The following HSPH1 variants were observed in gnomAD, a reference collection of about 807,000 sequenced individuals.
HSPH1 encodes heat shock protein family H (Hsp110) member 1.
HSPH1 carries 40 observed loss-of-function variants against 100.0 expected under a neutral mutation model. That is an observed-to-expected ratio of 0.40 (90% CI 0.31 to 0.52). The LOEUF is 0.52. Ranked by LOEUF, HSPH1 falls within the 20% of genes least tolerant of loss-of-function variation. HSPH1 has a pLI of 0.54. For synonymous variants in HSPH1, 403 were observed against 344.0 expected, an observed-to-expected ratio of 1.17 and a Z score of -1.90; for missense variants, 876 against 1,015.1, an observed-to-expected ratio of 0.86 and a Z score of 1.86.
At chr13:31,155,881 C>T (rs757515399) in intron 2 of HSPH1, among the ~76,000 whole-genome samples, 7 of 152,176 alleles carry the variant, frequency 4.6e-5, no homozygotes, top group Admixed American at 2.6e-4. Flanking sequence ...CAAGAGGGAA[C>T]AAGAGGCAAA....
At chr13:31,142,418 T>C (rs1365311816) in intron 12 of HSPH1, among the ~76,000 whole-genome samples, 1 of 152,090 alleles carries the variant, frequency 6.6e-6, no homozygotes, top group Non-Finnish European at 1.5e-5. Context: ...CCACATCATT[T>C]TCCTGCTAGT....
At position 31,154,713 on chromosome 13, in the gene HSPH1, T is replaced by C. The variant is rs138397694; in HGVS notation, c.349A>G (p.Ile117Val). The change falls in exon 4 of 18, where the codon ATA becomes GTA. Residue 117 changes from isoleucine (I) to valine (V), a missense_variant. By Grantham distance (29) the Ile-to-Val change is conservative. Transcript: ENST00000320027. ...GEEHLFSVEQITAMLLTKLKE... is the reference protein window; with the variant it reads ...GEEHLFSVEQVTAMLLTKLKE... ...AGCTTAGTCAACAACATGGCTGTTA[T>C]CTGCTCCACACTAAATAGATGTTCT... 7.3e-4 allele frequency: 1,174 copies of C among 1,613,668 alleles called. 1 individual carries two copies. The highest frequency in any genetic ancestry group is 8.9e-4 in the Non-Finnish European group (1,046 of 1,179,688).
Position 31,135,212 on chromosome 13 carries a change from A to T in HSPH1, c.*2106T>A, listed in dbSNP as rs539628688. 1 of 152,292 alleles carries T rather than the reference A, an allele frequency of 6.6e-6. No individual in the cohort carries two copies. Among genetic ancestry groups the T allele is most frequent in the South Asian group, 2.1e-4 (1 of 4,832 alleles). The allele number at this position is 152,292 out of a possible 1,614,324, so 9.4% of individuals were successfully genotyped here. ...AAAGCGCAGTACACTGATTTAGGCC[A>T]GACTGACTGATGCTCCCTCCCGTCA... On this transcript the variant is annotated 3_prime_UTR_variant, in exon 18 of 18. Coordinates refer to ENST00000320027, the MANE Select transcript of HSPH1 (RefSeq NM_006644.4).
At chr13:31,153,139 C>G (rs1220666167) in intron 4 of HSPH1, among the ~76,000 whole-genome samples, 188 bp from the exon 5 acceptor site, 1 of 152,174 alleles carries the variant, frequency 6.6e-6, no homozygotes, top group Non-Finnish European at 1.5e-5. Context: ...TTTGAAAAGG[C>G]TGTCCCAAAA....
Position 31,155,664 on chromosome 13 carries a change from G to A in HSPH1, c.166-10C>T. 6.4e-7 allele frequency: 1 copy of A among 1,569,092 alleles called. No homozygotes were observed. Among genetic ancestry groups the A allele is most frequent in the Non-Finnish European group, 8.6e-7 (1 of 1,160,554 alleles). On this transcript the variant is annotated splice_polypyrimidine_tract_variant and intron_variant, in intron 2 of 17. Coordinates refer to ENST00000320027, the MANE Select transcript of HSPH1 (RefSeq NM_006644.4). ...TTGCATGAGTGATTTGCTGCAAAAAGAAGTTTGAGATTTTAATTTTTTTCT... is the reference window on the plus strand; with the variant it reads ...TTGCATGAGTGATTTGCTGCAAAAAAAAGTTTGAGATTTTAATTTTTTTCT...
intron 10 of HSPH1, among the ~76,000 whole-genome samples, chr13:31,147,494 C>CA (rs1389732056): frequency 4.0e-5 from 6 of 151,468 alleles, no homozygotes; most frequent in African/African-American, 1.5e-4. Context: ...AAATATGTAC[C>CA]AAAAAAAACT....
At chr13:31,158,783 C>A (rs1310906484) in intron 2 of HSPH1, 23 bp downstream of exon 2, 1 of 1,541,996 alleles carries the variant, frequency 6.5e-7, no homozygotes, top group East Asian at 2.2e-5. Flanking sequence ...AAAAAGTGAT[C>A]CGAATTCTCT....
rs568951989 is a variant in HSPH1, at chr13:31,151,497, T to C, written c.663+112A>G. The stretch of plus-strand genomic sequence containing the variant: ...ACCGTTTCCTGTTAACATCTTTACC[T>C]AAAATAAAACTCTTCATTACCAAGA... On this transcript the variant is annotated intron_variant, in intron 6 of 17. Coordinates refer to ENST00000320027, the MANE Select transcript of HSPH1 (RefSeq NM_006644.4). 11 of 1,018,670 alleles carry C rather than the reference T, an allele frequency of 1.1e-5. No homozygotes were observed. The East Asian group carries it at 2.6e-4, about 24-fold the overall frequency. 63.1% of individuals were successfully genotyped at this position (1,018,670 alleles called of 1,614,324 possible).
At chr13:31,146,968 A>G (rs1956284865) in intron 10 of HSPH1, among the ~76,000 whole-genome samples, 1 of 152,238 alleles carries the variant, frequency 6.6e-6, no homozygotes, top group Non-Finnish European at 1.5e-5. Context: ...TGAAAGATGA[A>G]GGAATACACC....
Position 31,161,591 on chromosome 13 carries a change from C to T in HSPH1, c.-9G>A, listed in dbSNP as rs775763163. 2 of 1,611,960 alleles carry T rather than the reference C, an allele frequency of 1.2e-6. No individual in the cohort carries two copies. The highest frequency in any genetic ancestry group is 1.7e-6 in the Non-Finnish European group (2 of 1,179,508). ...AACCCCACCACCGACATGGCCGGCT[C>T]GCGGTCCGCCTCCGCCTCGGGTCTC... On this transcript the variant is annotated 5_prime_UTR_variant, in exon 1 of 18. Transcript: ENST00000320027.
intron 14 of HSPH1, among the ~76,000 whole-genome samples, chr13:31,139,452 A>G (rs1348791339): frequency 2.6e-5 from 4 of 152,048 alleles, no homozygotes; most frequent in Non-Finnish European, 1.5e-5. Context: ...TGAAAAAATC[A>G]TTCCTAACCG....
intron 3 of HSPH1, among the ~76,000 whole-genome samples, chr13:31,155,219 T>C (rs1055421904): frequency 1.3e-5 from 2 of 152,232 alleles, no homozygotes; most frequent in African/African-American, 4.8e-5. Context: ...GAACAGACTT[T>C]TGTTTGATAC....
chr13:31,154,850 A>T, intron 3 of HSPH1, 95 bp from the exon 4 acceptor site: 1 of 1,035,524 alleles, frequency 9.7e-7, no homozygotes, highest in Non-Finnish European at 1.4e-6. Flanking sequence ...TCCCTTCCAC[A>T]AAATCTTTAT....
chr13:31,161,864 C>T lies in HSPH1; in HGVS notation c.-282G>A. 1 of 1,483,810 alleles carries T rather than the reference C, an allele frequency of 6.7e-7. No homozygotes were observed. Among genetic ancestry groups the T allele is most frequent in the East Asian group, 2.5e-5 (1 of 40,312 alleles). 91.9% of individuals were successfully genotyped at this position (1,483,810 alleles called of 1,614,324 possible). ...ACCTCGGGTTGCCTGCCTCACTCTG[C>T]CGCGGCTCGCACACCGGCGCCGGCG... On this transcript the variant is annotated 5_prime_UTR_variant, in exon 1 of 18. Coordinates refer to ENST00000320027, the MANE Select transcript of HSPH1 (RefSeq NM_006644.4).
intron 1 of HSPH1, 51 bp downstream of exon 1, chr13:31,161,425 C>T (rs756697885): frequency 5.0e-6 from 8 of 1,602,262 alleles, no homozygotes; most frequent in Middle Eastern, 1.7e-4. Context: ...TGGGTCCCCA[C>T]ACTAAGGGCC....
intron 5 of HSPH1, chr13:31,152,027 T>C (rs1428677639): frequency 3.6e-6 from 1 of 276,996 alleles, no homozygotes; most frequent in East Asian, 7.7e-5. Context: ...TCACAGACAG[T>C]ATCAGACTCA....
At chr13:31,154,786 T>C (rs775431951) in intron 3 of HSPH1, 31 bp from the exon 4 acceptor site, 1 of 1,593,846 alleles carries the variant, frequency 6.3e-7, no homozygotes, top group Non-Finnish European at 8.6e-7. Context: ...GTTTTAAACA[T>C]TGTAGTACTT....
rs1030754028 is a variant in HSPH1 at position 31,151,851 on chromosome 13, A to G, written c.530-109T>C. 1.3e-5 allele frequency: 11 copies of G among 856,116 alleles called. No homozygotes were observed. In the African/African-American group the frequency reaches 1.7e-4, roughly 13 times the overall value. 53.0% of individuals were successfully genotyped at this position (856,116 alleles called of 1,614,324 possible). ...GCTTGACTATTAACTTGAAACAATTAAAGGTGAACACATTACATTCCTTTT... is the reference window on the plus strand; with the variant it reads ...GCTTGACTATTAACTTGAAACAATTGAAGGTGAACACATTACATTCCTTTT... On this transcript the variant is annotated intron_variant, in intron 5 of 17. Coordinates refer to ENST00000320027, the MANE Select transcript of HSPH1 (RefSeq NM_006644.4).
At position 31,161,573 on chromosome 13, in the gene HSPH1, C is replaced by A. The variant is rs752516425; in HGVS notation, c.10G>T (p.Val4Leu). ...CTCTGCGAGCCCACGTCCAACCCCA[C>A]CACCGACATGGCCGGCTCGCGGTCC... MSV[V>L]GLDVGSQSCY... The change falls in exon 1 of 18, where the codon GTG becomes TTG. Residue 4 changes from valine (V) to leucine (L), a missense_variant. Val to Leu is a conservative substitution (Grantham distance 32). Coordinates refer to ENST00000320027, the MANE Select transcript of HSPH1 (RefSeq NM_006644.4). 2 of 1,613,390 alleles carry A rather than the reference C, an allele frequency of 1.2e-6. No homozygotes were observed. Among genetic ancestry groups the A allele is most frequent in the Non-Finnish European group, 8.5e-7 (1 of 1,179,742 alleles).
Sources: gnomAD v4.1 joint callset for allele counts (sites outside exome capture counted in the v4.1 genomes callset) on GRCh38, gnomAD v4.1.1 for gene constraint, MANE v1.5 for transcripts, NCBI Gene and HGNC (gene_info 2026-07-23, HGNC 2026-07-21) for gene names.